ACTMAP: variants seen among roughly 807,000 people sequenced by gnomAD.
ACTMAP encodes the protein UPF0692 protein C19orf54.
At chr19:40,748,651 C>T in the ACTMAP span, among the ~76,000 whole-genome samples, 662 of 152,312 alleles carry the variant, frequency 4.3e-3, 7 homozygotes, top group African/African-American at 0.015. Flanking sequence ...TTGCACGACC[C>T]GCTCTGTCCT....
the ACTMAP span, chr19:40,745,320 G>A: frequency 1.1e-6 from 1 of 898,298 alleles, no homozygotes; most frequent in Middle Eastern, 3.0e-4. Context: ...GCTGTCCTAA[G>A]GCTGAAGGCG....
At chr19:40,742,842 G>A in the ACTMAP span, 14 of 1,414,206 alleles carry the variant, frequency 9.9e-6, no homozygotes, top group African/African-American at 2.8e-5. Flanking sequence ...ACTAAGTTCC[G>A]CCCTCTCCCG....
At chr19:40,747,866 A>C in the ACTMAP span, among the ~76,000 whole-genome samples, 6 of 151,708 alleles carry the variant, frequency 4.0e-5, no homozygotes, top group Non-Finnish European at 7.4e-5. Flanking sequence ...ACCCTGTCCC[A>C]AAAACAAACA....
the ACTMAP span, chr19:40,749,404 A>ACCCCC: frequency 6.0e-6 from 7 of 1,174,246 alleles, no homozygotes; most frequent in Non-Finnish European, 5.8e-6. Context: ...GGACACGGGA[A>ACCCCC]CCCCCCCCCC....
At chr19:40,741,566 C>G in the ACTMAP span, 1 of 372,970 alleles carries the variant, frequency 2.7e-6, no homozygotes, top group Non-Finnish European at 5.4e-6. Flanking sequence ...ATTCATGAAG[C>G]TAGTAATCAC....
the ACTMAP span, chr19:40,749,736 G>C: frequency 1.1e-5 from 17 of 1,506,036 alleles, no homozygotes; most frequent in Non-Finnish European, 1.4e-5. Flanking sequence ...AATGCTGCTG[G>C]CTTGGGGTAC....
the ACTMAP span, chr19:40,749,473 G>A: frequency 4.0e-5 from 62 of 1,547,776 alleles, no homozygotes; most frequent in Non-Finnish European, 5.1e-5. Context: ...GGGGCATGGA[G>A]ACCCTACCGG....
the ACTMAP span, among the ~76,000 whole-genome samples, chr19:40,746,654 C>T: frequency 2.4e-3 from 373 of 152,264 alleles, 2 homozygotes; most frequent in African/African-American, 8.7e-3. Flanking sequence ...GGATCACAGG[C>T]GTGAGCCACT....
At chr19:40,744,726 C>T in the ACTMAP span, 15 of 1,558,548 alleles carry the variant, frequency 9.6e-6, no homozygotes, top group Non-Finnish European at 1.2e-5. Context: ...ATGTCACAGC[C>T]CCCTTACCTG....
chr19:40,747,675 G>A, the ACTMAP span, among the ~76,000 whole-genome samples: 1 of 152,028 alleles, frequency 6.6e-6, no homozygotes, highest in Non-Finnish European at 1.5e-5. Flanking sequence ...GGGCAACACA[G>A]CAAGACTCTA....
At chr19:40,748,161 A>G in the ACTMAP span, among the ~76,000 whole-genome samples, 3 of 151,930 alleles carry the variant, frequency 2.0e-5, no homozygotes, top group Non-Finnish European at 4.4e-5. Flanking sequence ...GCATTTAGGG[A>G]AGGTTATAAA....
chr19:40,747,665 G>A, the ACTMAP span, among the ~76,000 whole-genome samples: 1 of 152,102 alleles, frequency 6.6e-6, no homozygotes, highest in Non-Finnish European at 1.5e-5. Context: ...GACCCAGCCT[G>A]GGCAACACAG....
At chr19:40,742,581 T>C in the ACTMAP span, 1 of 1,608,084 alleles carries the variant, frequency 6.2e-7, no homozygotes, top group Non-Finnish European at 8.5e-7. Context: ...CCGGACCTGG[T>C]CGTAGTCCCA....
chr19:40,749,738 T>C, the ACTMAP span: 23 of 1,504,620 alleles, frequency 1.5e-5, no homozygotes, highest in Non-Finnish European at 2.0e-5. Context: ...TGCTGCTGGC[T>C]TGGGGTACAG....
At chr19:40,749,824 T>G in the ACTMAP span, 2 of 1,407,418 alleles carry the variant, frequency 1.4e-6, no homozygotes, top group Non-Finnish European at 9.3e-7. Flanking sequence ...ACAGGAGGTG[T>G]TGAGAGGTTC....
chr19:40,742,726 C>A, the ACTMAP span: 1 of 1,611,732 alleles, frequency 6.2e-7, no homozygotes, highest in African/African-American at 1.3e-5. Flanking sequence ...TCAGGGTCCT[C>A]AGTGTAGCCG....
At chr19:40,747,528 A>C in the ACTMAP span, among the ~76,000 whole-genome samples, 1 of 151,312 alleles carries the variant, frequency 6.6e-6, no homozygotes, top group Non-Finnish European at 1.5e-5. Context: ...ATAAGAGCGA[A>C]ACTCCATCTC....
the ACTMAP span, among the ~76,000 whole-genome samples, chr19:40,748,787 T>TA: frequency 6.6e-6 from 1 of 152,126 alleles, no homozygotes; most frequent in African/African-American, 2.4e-5. Context: ...GCGCAAGCTG[T>TA]ATACTCTCAT....
the ACTMAP span, chr19:40,743,879 G>A: frequency 6.2e-7 from 1 of 1,612,008 alleles, no homozygotes. Context: ...AGGTTGAGGG[G>A]TGCAGACAAA....
Sources: gnomAD v4.1 joint callset for allele counts (sites outside exome capture counted in the v4.1 genomes callset) on GRCh38, gnomAD v4.1.1 for gene constraint, MANE v1.5 for transcripts, NCBI Gene and HGNC (gene_info 2026-07-23, HGNC 2026-07-21) for gene names.